ZNF410: variants seen among roughly 807,000 people sequenced by gnomAD.
The protein encoded by ZNF410 is zinc finger protein 410, also known as another partner for ARF 1.
Under a neutral mutation model 54.8 loss-of-function variants are expected in ZNF410, and 18 were observed. That is an observed-to-expected ratio of 0.33 (90% CI 0.23 to 0.49). ZNF410 has a LOEUF of 0.49. ZNF410 is among the 20% of genes least tolerant of loss of function. The pLI, the probability that ZNF410 is intolerant of heterozygous loss-of-function variation, is 0.99. For synonymous variants in ZNF410, 191 were observed against 207.3 expected (o/e 0.92, Z 0.68); for missense variants, 405 against 569.6 (o/e 0.71, Z 2.94).
chr14:73,928,507 A>G (rs2055866887), intron 11 of ZNF410, among the ~76,000 whole-genome samples: 1 of 152,146 alleles, frequency 6.6e-6, no homozygotes, highest in Non-Finnish European at 1.5e-5. Flanking sequence ...ACGTGATCAG[A>G]TTTGTGTATT....
intron 4 of ZNF410, 97 bp from the exon 5 acceptor site, chr14:73,897,974 A>AAAC: frequency 6.1e-6 from 5 of 818,614 alleles, no homozygotes; most frequent in African/African-American, 5.4e-5. Flanking sequence ...GCCGTCTCAA[A>AAAC]AAAAAAAAAA....
intron 11 of ZNF410, among the ~76,000 whole-genome samples, chr14:73,924,216 G>A (rs538362012): frequency 6.6e-6 from 1 of 152,226 alleles, no homozygotes; most frequent in East Asian, 1.9e-4. Flanking sequence ...TTCTGATAAG[G>A]AGTGCGCAAC....
chr14:73,903,840 A>G, intron 5 of ZNF410, 120 bp from the exon 6 acceptor site: 1 of 1,297,050 alleles, frequency 7.7e-7, no homozygotes, highest in Non-Finnish European at 1.1e-6. Flanking sequence ...TAACTGGGGA[A>G]GATGAAGATA....
At position 73,921,050 on chromosome 14, in the gene ZNF410, G is replaced by A; in HGVS notation, c.1074G>A (p.Met358Ile). The A allele has an allele frequency of 3.1e-6, 5 of 1,614,038 alleles. No homozygotes were observed. The highest frequency in any genetic ancestry group is 4.2e-6 in the Non-Finnish European group (5 of 1,179,994). ...FSQSGSRNVH[M>I]RKHHLQLGAA... The stretch of plus-strand genomic sequence containing the variant: ...AGAGTGGAAGCAGGAATGTGCATAT[G>A]AGAAAGCATCACCTGCAGCTGGGAG... Residue 358 changes from methionine to isoleucine, a missense_variant, in exon 9 of 12, where the codon ATG (methionine) becomes ATA (isoleucine). Around this residue, in one of 3 missense-constraint regions of ZNF410, gnomAD observed 127 missense variants for 141.3 expected, o/e 0.90. Transcript: ENST00000555044.
At chr14:73,887,724 G>A (rs1487631760) in intron 1 of ZNF410, among the ~76,000 whole-genome samples, 1 of 152,218 alleles carries the variant, frequency 6.6e-6, no homozygotes, top group Non-Finnish European at 1.5e-5. Context: ...ATTGCACTTG[G>A]TTTTTTCTTA....
In ZNF410 at chr14:73,905,968, C is replaced by CATATATATATAT. The variant is rs375039083; in HGVS notation, c.913+901_913+912dup. ...ATACACACACACACACACACACACA[C>CATATATATATAT]ATATATATATATATATATATATATA... is the stretch of plus-strand genomic sequence containing the variant. On this transcript the variant is annotated intron_variant, in intron 7 of 11. Transcript: ENST00000555044. Among the ~76,000 whole-genome samples, 179 of 78,882 alleles carry CATATATATATAT rather than the reference C, an allele frequency of 2.3e-3. 4 individuals are homozygous for CATATATATATAT. In the East Asian group the frequency reaches 0.023, roughly 10 times the overall value. 51.7% of individuals were successfully genotyped at this position (78,882 alleles called of 152,430 possible).
At chr14:73,897,659 G>A (rs1409246829) in intron 4 of ZNF410, among the ~76,000 whole-genome samples, 1 of 152,098 alleles carries the variant, frequency 6.6e-6, no homozygotes, top group Non-Finnish European at 1.5e-5. Flanking sequence ...GCGAAGGTCA[G>A]GAATAGCTTA....
chr14:73,923,164 A>G (rs1548667), intron 10 of ZNF410, among the ~76,000 whole-genome samples: 94,008 of 152,038 alleles, frequency 0.62, 29,700 homozygotes, highest in South Asian at 0.72. Flanking sequence ...AAGTGCTAAC[A>G]CCATATTATT....
chr14:73,917,714 T>C (rs2055689399), intron 8 of ZNF410, among the ~76,000 whole-genome samples: 1 of 151,976 alleles, frequency 6.6e-6, no homozygotes, highest in Non-Finnish European at 1.5e-5. Flanking sequence ...TCCCAACTAC[T>C]CAGGAGGCTG....
chr14:73,904,201 A>G, intron 6 of ZNF410, 91 bp downstream of exon 6: 1 of 1,421,600 alleles, frequency 7.0e-7, no homozygotes, highest in Non-Finnish European at 9.6e-7. Context: ...GACAAATTAC[A>G]GGAAAGTAGG....
At chr14:73,921,180 T>C in intron 9 of ZNF410, 75 bp downstream of exon 9, 1 of 1,573,010 alleles carries the variant, frequency 6.4e-7, no homozygotes, top group African/African-American at 1.4e-5. Flanking sequence ...CCTGCCTGCT[T>C]ATCTGGAAAT....
chr14:73,920,741 T>C, intron 8 of ZNF410: 2 of 463,964 alleles, frequency 4.3e-6, no homozygotes, highest in Non-Finnish European at 7.8e-6. Flanking sequence ...GAAGGCAGCA[T>C]TACAGAAGGT....
intron 5 of ZNF410, 63 bp from the exon 6 acceptor site, chr14:73,903,897 G>T: frequency 1.3e-6 from 2 of 1,590,224 alleles, no homozygotes; most frequent in Non-Finnish European, 1.7e-6. Flanking sequence ...GAGCTTTATT[G>T]TTTGAGCCTA....
rs750669858 is a variant in ZNF410 at position 73,922,207 on chromosome 14, G to A, written c.1270+1G>A. The stretch of plus-strand genomic sequence containing the variant: ...AATTCTATCCTGGGAGTTGATGATG[G>A]TAAGACTTCCAACTCTCCTTTATTT... On this transcript the variant is annotated splice_donor_variant, in intron 10 of 11. Transcript: ENST00000555044. LOFTEE classifies it high-confidence loss of function. 21 of 1,612,710 alleles carry A rather than the reference G, an allele frequency of 1.3e-5. No homozygotes were observed. Among genetic ancestry groups the A allele is most frequent in the Non-Finnish European group, 1.7e-5 (20 of 1,179,474 alleles).
chr14:73,932,005 T>C lies in ZNF410; in HGVS notation c.*464T>C, dbSNP rs1427776151. ...CTTGTTGCTTTGAAGAAGGGAGTGA[T>C]GTCAATTCTCTTGTTACATTCTCCC... is the stretch of plus-strand genomic sequence containing the variant. On this transcript the variant is annotated 3_prime_UTR_variant, in exon 12 of 12. Transcript: ENST00000555044. The C allele has an allele frequency of 8.8e-6, 4 of 456,422 alleles. No individual in the cohort carries two copies. The highest frequency in any genetic ancestry group is 7.1e-5 in the Admixed American group (3 of 42,548). 28.3% of individuals were successfully genotyped at this position (456,422 alleles called of 1,614,324 possible).
At chr14:73,914,627 T>TC in intron 8 of ZNF410, 1 of 32,870 alleles carries the variant, frequency 3.0e-5, no homozygotes, top group East Asian at 9.3e-4. Context: ...CTTAATTTCC[T>TC]TTTTTTTTTT....
At chr14:73,920,817 T>C in intron 8 of ZNF410, 163 bp from the exon 9 acceptor site, 1 of 803,128 alleles carries the variant, frequency 1.2e-6, no homozygotes, top group Non-Finnish European at 1.9e-6. Context: ...TCTTCCTGCC[T>C]TCCCCCATAT....
chr14:73,915,237 G>A (rs2140316698), intron 8 of ZNF410, among the ~76,000 whole-genome samples: 1 of 135,868 alleles, frequency 7.4e-6, no homozygotes, highest in Admixed American at 7.5e-5. Context: ...ACTCTAGCCT[G>A]GGTGATAGAG....
chr14:73,889,754 A>G (rs916154459), intron 1 of ZNF410, among the ~76,000 whole-genome samples: 2 of 151,818 alleles, frequency 1.3e-5, no homozygotes, highest in Non-Finnish European at 2.9e-5. Context: ...TATGTGGGAA[A>G]CTTGGAAGGA....
Sources: allele counts gnomAD v4.1 joint callset (sites outside exome capture counted in the v4.1 genomes callset), GRCh38; gene constraint gnomAD v4.1.1; regional missense constraint gnomAD v4.1.1; transcripts MANE v1.5; gene names NCBI Gene and HGNC (gene_info 2026-07-23, HGNC 2026-07-21).